ATAD2: variants seen among roughly 807,000 people sequenced by gnomAD.
The protein encoded by ATAD2 is ATPase family AAA domain-containing protein 2.
A neutral mutation model predicts 168.9 loss-of-function variants in ATAD2; 62 were observed. The ratio of observed to expected loss-of-function variants is 0.37; its 90% CI spans 0.30 to 0.45. ATAD2 has a LOEUF of 0.45. Among genes scored for constraint, ATAD2 ranks in the 20% least tolerant of loss-of-function variants. ATAD2 has a pLI of 1.00. For synonymous variants in ATAD2, 613 were observed against 571.6 expected (o/e 1.07, Z -1.03); for missense variants, 1,419 against 1,667.8 (o/e 0.85, Z 2.60).
At chr8:123,343,884 G>C (rs1010798240) in intron 19 of ATAD2, among the ~76,000 whole-genome samples, 31 of 152,300 alleles carry the variant, frequency 2.0e-4, no homozygotes, top group African/African-American at 7.5e-4. Context: ...GCAGAGATTT[G>C]AGAAAAATAA....
chr8:123,321,562 G>A (rs765991492), intron 27 of ATAD2, among the ~76,000 whole-genome samples: 3 of 151,514 alleles, frequency 2.0e-5, no homozygotes, highest in Non-Finnish European at 4.4e-5. Context: ...ATATTTTGTA[G>A]TTACCAATAA....
chr8:123,405,024 C>A (rs1020665084), intron 1 of ATAD2, among the ~76,000 whole-genome samples: 2 of 152,138 alleles, frequency 1.3e-5, no homozygotes, highest in African/African-American at 4.8e-5. Context: ...TAACCCACTA[C>A]CCTAGGGGCT....
intron 13 of ATAD2, among the ~76,000 whole-genome samples, chr8:123,355,650 T>A (rs1290560693): frequency 6.6e-6 from 1 of 152,204 alleles, no homozygotes; most frequent in African/African-American, 2.4e-5. Context: ...TGGTAAAATT[T>A]AAGATACTTG....
upstream of ATAD2, chr8:123,401,165 C>G (rs1812991223): frequency 9.9e-7 from 1 of 1,009,552 alleles, no homozygotes; most frequent in Non-Finnish European, 1.6e-6. Flanking sequence ...TTGAAAGAGG[C>G]AAATGAGATC....
In ATAD2 at chr8:123,369,989, C is replaced by T. The variant is rs1255294238; in HGVS notation, c.763G>A (p.Asp255Asn). 1 of 1,592,912 alleles carries T rather than the reference C, an allele frequency of 6.3e-7. No homozygotes were observed. The highest frequency in any genetic ancestry group is 1.7e-5 in the Admixed American group (1 of 59,932). ...SEEGEDQEHE[D>N]DGEDEDDEDD... is the part of the protein sequence containing the mutation. ...TCATCATCTTCATCTTCACCATCAT[C>T]TTCATGTTCTTGGTCTTCACCCTCT... The change falls in exon 7 of 28, where the codon GAT becomes AAT. Residue 255 changes from aspartate (D) to asparagine (N), a missense_variant. By Grantham distance (23) the Asp-to-Asn change is conservative. Coordinates refer to ENST00000287394, the MANE Select transcript of ATAD2 (RefSeq NM_014109.4).
At chr8:123,416,230 G>C (rs908248123) in intron 1 of ATAD2, 3 of 152,466 alleles carry the variant, frequency 2.0e-5, no homozygotes, top group Admixed American at 6.6e-5. Flanking sequence ...CCAAACCTCT[G>C]TTATTTCAGT....
chr8:123,341,697 A>G (rs958905302), intron 19 of ATAD2, among the ~76,000 whole-genome samples: 1 of 152,172 alleles, frequency 6.6e-6, no homozygotes, highest in African/African-American at 2.4e-5. Flanking sequence ...CTTTCTTGCA[A>G]TGAAGTAGGC....
At chr8:123,345,676 G>A (rs1458630027) in intron 18 of ATAD2, among the ~76,000 whole-genome samples, 2 of 152,010 alleles carry the variant, frequency 1.3e-5, no homozygotes, top group Non-Finnish European at 1.5e-5. Flanking sequence ...GTAAGACTCC[G>A]TCTCAAAAAA....
In ATAD2 at chr8:123,373,425, C is replaced by T. The variant is rs996477846; in HGVS notation, c.321-739G>A. 2.6e-5 allele frequency among the ~76,000 whole-genome samples: 4 copies of T among 151,966 alleles called. No individual in the cohort carries two copies. The East Asian group carries it at 7.7e-4, about 29-fold the overall frequency. On this transcript the variant is annotated intron_variant, in intron 2 of 27. Coordinates refer to ENST00000287394, the MANE Select transcript of ATAD2 (RefSeq NM_014109.4). ...ACTGTATTTCTTATATTCTATAATA[C>T]TACAAACAAGACAAAAAGTTAAATC...
chr8:123,336,075 G>A (rs1002077148), intron 22 of ATAD2, among the ~76,000 whole-genome samples: 5 of 152,050 alleles, frequency 3.3e-5, no homozygotes, highest in African/African-American at 1.2e-4. Context: ...GATATACAAA[G>A]TATACAAGCC....
intron 25 of ATAD2, 42 bp downstream of exon 25, chr8:123,328,148 T>C: frequency 7.5e-7 from 1 of 1,327,352 alleles, no homozygotes; most frequent in Non-Finnish European, 9.7e-7. Flanking sequence ...CTTTGAAATA[T>C]CTTTTAAAAT....
At chr8:123,321,316 C>A in intron 27 of ATAD2, 141 bp from the exon 28 acceptor site, 2 of 737,372 alleles carry the variant, frequency 2.7e-6, no homozygotes, top group Admixed American at 3.3e-5. Flanking sequence ...ACATTCAGTT[C>A]AGTATTTAAG....
At position 123,347,223 on chromosome 8, in the gene ATAD2, A is replaced by G; in HGVS notation, c.2081T>C (p.Val694Ala). ...GGACAGTGCCTGCCCAGGTGATGTCACAGCTCTTTGGGAGGCTGGTATCAT... is the reference window on the plus strand; with the variant it reads ...GGACAGTGCCTGCCCAGGTGATGTCGCAGCTCTTTGGGAGGCTGGTATCAT... ...QKMIPASQRA[V>A]TSPGQALSTV... The change falls in exon 16 of 28, where the codon GTG (valine) becomes GCG (alanine). Residue 694 changes from valine to alanine, a missense_variant. Val to Ala is a moderately conservative substitution (Grantham distance 64). Transcript: ENST00000287394. 1 of 1,614,206 alleles carries G rather than the reference A, an allele frequency of 6.2e-7. No individual in the cohort carries two copies. The highest frequency in any genetic ancestry group is 8.5e-7 in the Non-Finnish European group (1 of 1,180,036).
At chr8:123,412,870 CA>C (rs1449502565) in intron 1 of ATAD2, among the ~76,000 whole-genome samples, 1 of 152,160 alleles carries the variant, frequency 6.6e-6, no homozygotes, top group Non-Finnish European at 1.5e-5. Flanking sequence ...CCTTCTCCCC[CA>C]AACCCCCCAT....
intron 13 of ATAD2, among the ~76,000 whole-genome samples, 199 bp from the exon 14 acceptor site, chr8:123,349,643 C>A (rs991884076): frequency 6.6e-6 from 1 of 151,902 alleles, no homozygotes; most frequent in Admixed American, 6.6e-5. Flanking sequence ...CAATGGAAAA[C>A]AGACGGTTGT....
rs1449789129 is a variant in ATAD2, at chr8:123,380,622, G to A, written c.227C>T (p.Ser76Phe). The change falls in exon 2 of 28, where the codon TCT becomes TTT. Residue 76 changes from serine to phenylalanine, a missense_variant. Ser to Phe is a radical substitution (Grantham distance 155, BLOSUM62 -2). Around this residue, in one of 5 missense-constraint regions of ATAD2, gnomAD observed 419 missense variants for 423.5 expected, o/e 0.99. Transcript: ENST00000287394. ...ETYHRTRALRSLRKDAQNSSD... is the reference protein window; with the variant it reads ...ETYHRTRALRFLRKDAQNSSD... ...AGAATTCTGTGCATCTTTTCTCAAA[G>A]ATCTTAAAGCACGTGTCCGGTGGTA... 2 of 1,614,030 alleles carry A rather than the reference G, an allele frequency of 1.2e-6. No homozygotes were observed. The highest frequency in any genetic ancestry group is 1.7e-6 in the Non-Finnish European group (2 of 1,179,986).
intron 19 of ATAD2, among the ~76,000 whole-genome samples, chr8:123,341,774 C>T (rs907026079): frequency 6.6e-6 from 1 of 152,172 alleles, no homozygotes; most frequent in African/African-American, 2.4e-5. Flanking sequence ...AAGTCAGGCA[C>T]AAGCAAGAGC....
intron 18 of ATAD2, among the ~76,000 whole-genome samples, chr8:123,345,796 T>C (rs1400447615): frequency 2.6e-5 from 4 of 152,238 alleles, no homozygotes; most frequent in Non-Finnish European, 5.9e-5. Flanking sequence ...AGTACTTTAC[T>C]CATTTAATTC....
Position 123,369,097 on chromosome 8 carries a change from G to T in ATAD2, c.1010C>A (p.Ser337Tyr). The stretch of plus-strand genomic sequence containing the variant: ...ACAGTAAGGACTTCTTGGTCCTGCG[G>T]AAGATAATCGGTATCTTGGTCTTGC... The part of the protein sequence containing the change: ...SPARPRYRLS[S>Y]AGPRSPYCKR... Residue 337 changes from serine (S) to tyrosine (Y), a missense_variant, in exon 8 of 28, where the codon TCC becomes TAC. Transcript: ENST00000287394. The T allele has an allele frequency of 6.3e-7, 1 of 1,597,260 alleles. No homozygotes were observed. Among genetic ancestry groups the T allele is most frequent in the Non-Finnish European group, 8.6e-7 (1 of 1,169,112 alleles).
Sources: gnomAD v4.1 joint callset for allele counts (sites outside exome capture counted in the v4.1 genomes callset) on GRCh38, gnomAD v4.1.1 for gene constraint, gnomAD v4.1.1 regional missense constraint, MANE v1.5 for transcripts, NCBI Gene and HGNC (gene_info 2026-07-23, HGNC 2026-07-21) for gene names.